CCDC85A: variants seen among roughly 807,000 people sequenced by gnomAD.
The protein encoded by CCDC85A is coiled-coil domain containing 85A.
CCDC85A carries 38 observed loss-of-function variants against 50.2 expected under a neutral mutation model. That is an observed-to-expected ratio of 0.76 (90% CI 0.58 to 0.99). CCDC85A has a LOEUF of 0.99. Among genes scored for constraint, CCDC85A ranks in the 50% least tolerant of loss-of-function variants. CCDC85A has a pLI of 0.00. For synonymous variants in CCDC85A, 366 were observed against 301.4 expected (o/e 1.21, Z -2.22); for missense variants, 820 against 742.0 (o/e 1.11, Z -1.22).
chr2:56,204,786 T>A (rs1054495936), intron 2 of CCDC85A, among the ~76,000 whole-genome samples: 1 of 152,178 alleles, frequency 6.6e-6, no homozygotes, highest in African/African-American at 2.4e-5. Context: ...TTCTACCTTC[T>A]CTCTGCACTC....
At chr2:56,298,284 A>C (rs565223088) in intron 2 of CCDC85A, among the ~76,000 whole-genome samples, 1 of 152,254 alleles carries the variant, frequency 6.6e-6, no homozygotes, top group East Asian at 1.9e-4. Flanking sequence ...TAATTACAGA[A>C]GTGAGGGTTC....
chr2:56,338,621 A>C (rs1674200498), intron 2 of CCDC85A, among the ~76,000 whole-genome samples: 1 of 152,096 alleles, frequency 6.6e-6, no homozygotes, highest in Non-Finnish European at 1.5e-5. Flanking sequence ...ATTTTATTTA[A>C]AATATAGCTT....
chr2:56,185,260 G>C (rs1442887304), intron 1 of CCDC85A, among the ~76,000 whole-genome samples: 2 of 152,244 alleles, frequency 1.3e-5, no homozygotes, highest in Non-Finnish European at 2.9e-5. Flanking sequence ...AGGCCAGTGA[G>C]GGGGTGAATC....
intron 3 of CCDC85A, among the ~76,000 whole-genome samples, chr2:56,359,490 C>T (rs1302290739): frequency 6.6e-6 from 1 of 152,124 alleles, no homozygotes. Flanking sequence ...CGATCTCTTC[C>T]ATGTCTTAGA....
intron 2 of CCDC85A, among the ~76,000 whole-genome samples, chr2:56,228,901 A>G (rs554762799): frequency 6.6e-6 from 1 of 152,276 alleles, no homozygotes; most frequent in East Asian, 1.9e-4. Flanking sequence ...ATATGTTTTT[A>G]ACTACCTTCT....
At chr2:56,302,358 T>C (rs1672249997) in intron 2 of CCDC85A, among the ~76,000 whole-genome samples, 1 of 152,120 alleles carries the variant, frequency 6.6e-6, no homozygotes, top group African/African-American at 2.4e-5. Context: ...GAAGGAGATA[T>C]TTGTATGGGT....
chr2:56,245,741 A>G lies in CCDC85A; in HGVS notation c.1240+52301A>G, dbSNP rs1573092233. On this transcript the variant is annotated intron_variant, in intron 2 of 5. Coordinates refer to ENST00000407595, the MANE Select transcript of CCDC85A (RefSeq NM_001080433.2). The stretch of plus-strand genomic sequence containing the variant: ...ATGGTATTAGGAGGTGGGGTCTCTA[A>G]GAGGTGAGACCTCTTAATAGCCATG... Among the ~76,000 whole-genome samples, 4 of 152,266 alleles carry G rather than the reference A, an allele frequency of 2.6e-5. No homozygotes were observed. The South Asian group carries it at 8.3e-4, about 32-fold the overall frequency.
chr2:56,297,393 C>CT (rs72027842), intron 2 of CCDC85A, among the ~76,000 whole-genome samples: 18,689 of 136,138 alleles, frequency 0.14, 1,323 homozygotes, highest in East Asian at 0.22. Context: ...TTGTACGAGC[C>CT]TTTTTTTTTT....
intron 2 of CCDC85A, among the ~76,000 whole-genome samples, chr2:56,307,844 CAT>C (rs1252749407): frequency 1.3e-5 from 2 of 152,164 alleles, no homozygotes; most frequent in Non-Finnish European, 2.9e-5. Context: ...GGATGTAACT[CAT>C]AGATAGGACT....
intron 2 of CCDC85A, among the ~76,000 whole-genome samples, chr2:56,257,444 C>G (rs1308942305): frequency 6.6e-6 from 1 of 152,016 alleles, no homozygotes; most frequent in Non-Finnish European, 1.5e-5. Context: ...GGAAAATAAA[C>G]AGCTAGGGGC....
intron 2 of CCDC85A, among the ~76,000 whole-genome samples, chr2:56,293,073 A>G (rs1246701255): frequency 6.6e-6 from 1 of 152,212 alleles, no homozygotes; most frequent in Non-Finnish European, 1.5e-5. Context: ...GGAGAAGACC[A>G]GAGTCAGAGC....
At chr2:56,365,684 T>A (rs1248423465) in intron 3 of CCDC85A, among the ~76,000 whole-genome samples, 1 of 152,222 alleles carries the variant, frequency 6.6e-6, no homozygotes, top group Non-Finnish European at 1.5e-5. Flanking sequence ...AACATGATGT[T>A]TTAAAGTATT....
At chr2:56,274,366 A>C (rs930789658) in intron 2 of CCDC85A, among the ~76,000 whole-genome samples, 4 of 152,160 alleles carry the variant, frequency 2.6e-5, no homozygotes, top group Non-Finnish European at 4.4e-5. Context: ...ACAAGTTTGA[A>C]ATTTTTAGGG....
chr2:56,269,167 G>T (rs1217687310), intron 2 of CCDC85A, among the ~76,000 whole-genome samples: 1 of 152,128 alleles, frequency 6.6e-6, no homozygotes, highest in East Asian at 1.9e-4. Flanking sequence ...GGGTAATTGG[G>T]ACAGTAAATG....
At chr2:56,267,061 G>T (rs975055458) in intron 2 of CCDC85A, among the ~76,000 whole-genome samples, 1 of 151,994 alleles carries the variant, frequency 6.6e-6, no homozygotes, top group East Asian at 1.9e-4. Flanking sequence ...ATACAATGTA[G>T]GGATAGTGTT....
rs1008589180 is a variant in CCDC85A, at chr2:56,298,714, G to A, written c.1241-44165G>A. On this transcript the variant is annotated intron_variant, in intron 2 of 5. Transcript: ENST00000407595. ...TGATGACATCACTAATCTAGAGATC[G>A]GAGAATAGGTGGGAATTAGGAGAGG... 5.9e-5 allele frequency among the ~76,000 whole-genome samples: 9 copies of A among 152,260 alleles called. 2 individuals carry two copies. The highest frequency in any genetic ancestry group is 3.3e-4 in the Admixed American group (5 of 15,278).
chr2:56,377,052 C>G (rs1263913037), intron 5 of CCDC85A, among the ~76,000 whole-genome samples: 1 of 152,170 alleles, frequency 6.6e-6, no homozygotes, highest in Admixed American at 6.5e-5. Context: ...GGATATTTTG[C>G]TTTAGCTTAT....
At chr2:56,199,959 C>T (rs967177925) in intron 2 of CCDC85A, among the ~76,000 whole-genome samples, 1 of 152,236 alleles carries the variant, frequency 6.6e-6, no homozygotes, top group Admixed American at 6.5e-5. Context: ...ACCTCCGACT[C>T]CCTGGTTCAA....
At chr2:56,280,687 T>C (rs1054620225) in intron 2 of CCDC85A, among the ~76,000 whole-genome samples, 44 of 152,268 alleles carry the variant, frequency 2.9e-4, no homozygotes, top group Non-Finnish European at 5.4e-4. Context: ...TATTTAGTGT[T>C]AGAGAGAGTG....
Sources: gnomAD v4.1 joint callset for allele counts (sites outside exome capture counted in the v4.1 genomes callset) on GRCh38, gnomAD v4.1.1 for gene constraint, MANE v1.5 for transcripts, NCBI Gene and HGNC (gene_info 2026-07-23, HGNC 2026-07-21) for gene names.